SNTG1: variants seen among roughly 807,000 people sequenced by gnomAD.
SNTG1 encodes gamma-1-syntrophin.
SNTG1 carries 39 observed loss-of-function variants against 74.7 expected under a neutral mutation model. The ratio of observed to expected loss-of-function variants is 0.52; its 90% CI spans 0.40 to 0.68. SNTG1 has a LOEUF of 0.68. Among genes scored for constraint, SNTG1 ranks in the 30% least tolerant of loss-of-function variants. SNTG1 has a pLI of 0.00. For synonymous variants in SNTG1, 254 were observed against 217.1 expected (o/e 1.17, Z -1.49); for missense variants, 685 against 609.5 (o/e 1.12, Z -1.30).
chr8:50,262,511 C>T (rs957109185), intron 2 of SNTG1, among the ~76,000 whole-genome samples: 1 of 152,074 alleles, frequency 6.6e-6, no homozygotes, highest in Admixed American at 6.6e-5. Flanking sequence ...CCTGGGTTCA[C>T]GCCATTCTCC....
intron 13 of SNTG1, among the ~76,000 whole-genome samples, chr8:50,602,846 A>C (rs1326368179): frequency 3.3e-5 from 5 of 151,108 alleles, no homozygotes; most frequent in Non-Finnish European, 5.9e-5. Context: ...CTGGCCTGTC[A>C]GGTTTCCACT....
chr8:50,768,755 T>G (rs1378842218), intron 18 of SNTG1, among the ~76,000 whole-genome samples: 1 of 152,088 alleles, frequency 6.6e-6, no homozygotes, highest in Admixed American at 6.6e-5. Flanking sequence ...GCAGAGCATC[T>G]GCTTAATAGC....
intron 2 of SNTG1, among the ~76,000 whole-genome samples, chr8:50,243,899 G>T (rs990952210): frequency 8.5e-5 from 13 of 152,108 alleles, no homozygotes; most frequent in Non-Finnish European, 1.9e-4. Context: ...GAAGACTGAG[G>T]AATCGACCTT....
chr8:50,703,381 A>G (rs2095432850), intron 15 of SNTG1, among the ~76,000 whole-genome samples: 1 of 152,156 alleles, frequency 6.6e-6, no homozygotes, highest in African/African-American at 2.4e-5. Context: ...TGGCCTGCAT[A>G]TAGTCAGGAT....
intron 8 of SNTG1, among the ~76,000 whole-genome samples, chr8:50,484,025 A>T (rs2093762219): frequency 6.6e-6 from 1 of 152,094 alleles, no homozygotes; most frequent in Admixed American, 6.5e-5. Flanking sequence ...TCAAATATGT[A>T]TATATGTATG....
At chr8:50,290,797 C>T (rs937043886) in intron 2 of SNTG1, among the ~76,000 whole-genome samples, 6 of 151,798 alleles carry the variant, frequency 4.0e-5, no homozygotes, top group African/African-American at 9.7e-5. Context: ...CTCTGTTTGT[C>T]CCCCAGGCTG....
chr8:50,694,854 A>G (rs2131470171), intron 15 of SNTG1, among the ~76,000 whole-genome samples: 1 of 151,778 alleles, frequency 6.6e-6, no homozygotes, highest in South Asian at 2.1e-4. Flanking sequence ...ATAAAACACA[A>G]AGCATTTGAC....
chr8:50,764,021 C>T (rs1207816043), intron 18 of SNTG1, among the ~76,000 whole-genome samples: 1 of 150,502 alleles, frequency 6.6e-6, no homozygotes, highest in African/African-American at 2.4e-5. Context: ...CAGAAAAGAA[C>T]CTGTGTGATT....
intron 3 of SNTG1, among the ~76,000 whole-genome samples, chr8:50,395,795 G>A (rs2092721777): frequency 1.3e-5 from 2 of 152,176 alleles, no homozygotes; most frequent in Non-Finnish European, 2.9e-5. Context: ...ACAGGCGTGA[G>A]CCACTGTGCC....
chr8:50,570,958 G>T (rs1239392571), intron 12 of SNTG1, among the ~76,000 whole-genome samples: 4 of 151,910 alleles, frequency 2.6e-5, no homozygotes, highest in Non-Finnish European at 4.4e-5. Context: ...GTAGTTGCAC[G>T]AATTTACACT....
intron 1 of SNTG1, among the ~76,000 whole-genome samples, chr8:49,967,793 A>T (rs911270929): frequency 3.9e-5 from 6 of 152,222 alleles, no homozygotes; most frequent in Non-Finnish European, 8.8e-5. Flanking sequence ...CTAGGCTGGC[A>T]TTTAATGGAA....
chr8:49,920,812 G>A (rs371638152), intron 1 of SNTG1, among the ~76,000 whole-genome samples: 35 of 152,170 alleles, frequency 2.3e-4, no homozygotes, highest in Middle Eastern at 3.4e-3. Context: ...GATGAGAGCT[G>A]GACCTAATTG....
At chr8:50,119,158 C>T (rs1336345021) in intron 1 of SNTG1, among the ~76,000 whole-genome samples, 1 of 140,874 alleles carries the variant, frequency 7.1e-6, no homozygotes, top group East Asian at 2.0e-4. Context: ...TTTCAGTGTG[C>T]CCTCTTCTTT....
At chr8:49,948,862 A>G (rs1303894359) in intron 1 of SNTG1, among the ~76,000 whole-genome samples, 1 of 152,170 alleles carries the variant, frequency 6.6e-6, no homozygotes, top group Non-Finnish European at 1.5e-5. Context: ...ACAAATTCCT[A>G]AGAGCCCCCG....
At chr8:50,141,988 A>G (rs902233234) in intron 1 of SNTG1, among the ~76,000 whole-genome samples, 2 of 152,120 alleles carry the variant, frequency 1.3e-5, no homozygotes, top group African/African-American at 2.4e-5. Context: ...AATTATTTAT[A>G]TTGACACCTA....
intron 13 of SNTG1, among the ~76,000 whole-genome samples, chr8:50,592,177 C>T (rs986638960): frequency 2.0e-5 from 3 of 152,096 alleles, no homozygotes; most frequent in Non-Finnish European, 4.4e-5. Context: ...TAAGAAATTA[C>T]TCAAATAGAA....
intron 13 of SNTG1, among the ~76,000 whole-genome samples, chr8:50,628,959 A>AT (rs924214085): frequency 5.9e-5 from 9 of 152,148 alleles, no homozygotes; most frequent in Admixed American, 2.6e-4. Flanking sequence ...CCATGGTCTG[A>AT]TTTTTTTCCC....
At chr8:50,269,562 A>T (rs555942324) in intron 2 of SNTG1, among the ~76,000 whole-genome samples, 7 of 152,248 alleles carry the variant, frequency 4.6e-5, no homozygotes, top group Admixed American at 2.0e-4. Flanking sequence ...AGGAAAAAAA[A>T]TTATGTGCCA....
chr8:49,990,089 C>T (rs558763537), intron 1 of SNTG1, among the ~76,000 whole-genome samples: 102 of 151,738 alleles, frequency 6.7e-4, no homozygotes, highest in Non-Finnish European at 1.2e-3. Flanking sequence ...ATTAGAAGTT[C>T]TAGCAAGGGT....
Sources: allele counts gnomAD v4.1 joint callset (sites outside exome capture counted in the v4.1 genomes callset), GRCh38; gene constraint gnomAD v4.1.1; transcripts MANE v1.5; gene names NCBI Gene and HGNC (gene_info 2026-07-23, HGNC 2026-07-21).